The following NMT1 variants were observed in gnomAD, a reference collection of about 807,000 sequenced individuals.
The protein encoded by NMT1 is glycylpeptide N-tetradecanoyltransferase 1.
In NMT1, 12 loss-of-function variants were observed where a neutral mutation model predicts 63.4. The observed-to-expected ratio is 0.19, with a 90% CI of 0.12 to 0.31. NMT1 has a LOEUF of 0.31. NMT1 is among the 10% of genes least tolerant of loss of function. NMT1 has a pLI of 1.00. For missense variants in NMT1, 432 were observed against 634.6 expected (o/e 0.68, Z 3.43); for synonymous variants, 228 against 234.3 (o/e 0.97, Z 0.25).
At chr17:45,084,000 TCTTTC>T (rs1295531610) in intron 2 of NMT1, among the ~76,000 whole-genome samples, 2 of 152,222 alleles carry the variant, frequency 1.3e-5, no homozygotes, top group Non-Finnish European at 2.9e-5. Context: ...TTATATTCTT[TCTTTC>T]CTTTATAATC....
intron 1 of NMT1, among the ~76,000 whole-genome samples, chr17:45,068,376 A>G (rs1014629366): frequency 1.1e-4 from 16 of 152,112 alleles, no homozygotes; most frequent in Admixed American, 7.9e-4. Flanking sequence ...GGAGGCTGAG[A>G]CAAGAGAATC....
At position 45,103,907 on chromosome 17, in the gene NMT1, T is replaced by TGTGCA; in HGVS notation, c.1332+33_1332+37dup. The TGTGCA allele has an allele frequency of 6.2e-7, 1 of 1,611,382 alleles. No individual in the cohort carries two copies. Among genetic ancestry groups the TGTGCA allele is most frequent in the Non-Finnish European group, 8.5e-7 (1 of 1,179,940 alleles). On this transcript the variant is annotated intron_variant, in intron 10 of 11. Coordinates refer to ENST00000258960, the MANE Select transcript of NMT1 (RefSeq NM_021079.5). The surrounding 1 kb of genome is among the most constrained non-coding windows in gnomAD (Gnocchi z 4.8). ...GAGCAGACGGGGGGGTCTCTGGAGA[T>TGTGCA]GTGCAGGGAAGAGGCAGTGGAGCCA... is the stretch of plus-strand genomic sequence containing the variant.
chr17:45,067,155 T>A (rs1431532479), intron 1 of NMT1, among the ~76,000 whole-genome samples: 2 of 152,052 alleles, frequency 1.3e-5, no homozygotes, highest in African/African-American at 4.8e-5. Context: ...TTCATCTATA[T>A]GGTTTAATTT....
chr17:45,073,698 A>G (rs958877378), intron 1 of NMT1, among the ~76,000 whole-genome samples: 1 of 152,190 alleles, frequency 6.6e-6, no homozygotes, highest in Non-Finnish European at 1.5e-5. Flanking sequence ...TCTCAAATCA[A>G]TTCTTACAGG....
intron 1 of NMT1, among the ~76,000 whole-genome samples, chr17:45,078,108 G>A (rs2053989120): frequency 6.6e-6 from 1 of 152,188 alleles, no homozygotes; most frequent in African/African-American, 2.4e-5. Flanking sequence ...GGCACTGAGA[G>A]GCCCGGCCAG....
chr17:45,066,116 C>T (rs1474330574), intron 1 of NMT1, among the ~76,000 whole-genome samples: 1 of 152,026 alleles, frequency 6.6e-6, no homozygotes, highest in South Asian at 2.1e-4. Context: ...TGCTGTGGCG[C>T]GATCTTGGCT....
intron 1 of NMT1, among the ~76,000 whole-genome samples, chr17:45,065,654 A>G (rs944156810): frequency 6.7e-6 from 1 of 150,000 alleles, no homozygotes; most frequent in Admixed American, 6.7e-5. Context: ...AGAAATACCT[A>G]CAGAAACCAG....
At chr17:45,062,666 C>T (rs2053873031) in intron 1 of NMT1, among the ~76,000 whole-genome samples, 1 of 152,156 alleles carries the variant, frequency 6.6e-6, no homozygotes, top group African/African-American at 2.4e-5. Context: ...GCCTATTGCT[C>T]CTAGGCTACA....
intron 6 of NMT1, 23 bp downstream of exon 6, chr17:45,097,267 A>AC (rs1390595253): frequency 8.0e-6 from 12 of 1,491,996 alleles, no homozygotes; most frequent in African/African-American, 1.4e-5. Flanking sequence ...ACCTACCCCC[A>AC]CCCCCCACAA....
chr17:45,093,407 T>C (rs774580655), intron 3 of NMT1, among the ~76,000 whole-genome samples: 3 of 152,190 alleles, frequency 2.0e-5, no homozygotes, highest in Non-Finnish European at 4.4e-5. Context: ...TAAAGATAAA[T>C]GTTTGTCATT....
chr17:45,092,209 T>C (rs1172369088), intron 3 of NMT1, among the ~76,000 whole-genome samples: 5 of 152,086 alleles, frequency 3.3e-5, no homozygotes, highest in East Asian at 3.9e-4. Context: ...ATGGTATGTC[T>C]CATGAGGACA....
chr17:45,069,149 C>T (rs1207653551), intron 1 of NMT1, among the ~76,000 whole-genome samples: 10 of 151,184 alleles, frequency 6.6e-5, no homozygotes, highest in Non-Finnish European at 1.3e-4. Flanking sequence ...TTAGTAGAGA[C>T]GGGGTTTCAC....
chr17:45,106,704 T>C lies in NMT1; in HGVS notation c.*1065T>C, dbSNP rs1418077431. 4 of 152,728 alleles carry C rather than the reference T, an allele frequency of 2.6e-5. No homozygotes were observed. Among genetic ancestry groups the C allele is most frequent in the Admixed American group, 2.0e-4 (3 of 15,290 alleles). The allele number at this position is 152,728 out of a possible 1,614,324, so 9.5% of individuals were successfully genotyped here. A position where few individuals can be genotyped will look rare whatever the true frequency, so the allele number is the denominator to read the frequency against. On this transcript the variant is annotated 3_prime_UTR_variant, in exon 12 of 12. Transcript: ENST00000258960. The stretch of plus-strand genomic sequence containing the variant: ...CAGCCACCAGCCCCTGGCCTGTGCC[T>C]TCCAACCCATTAGCCATTTCTTGTT...
At chr17:45,100,264 T>A (rs1179237087) in intron 8 of NMT1, among the ~76,000 whole-genome samples, 1 of 152,088 alleles carries the variant, frequency 6.6e-6, no homozygotes, top group Non-Finnish European at 1.5e-5. Context: ...AATTTTTGTT[T>A]TTATAGAAAC....
intron 1 of NMT1, among the ~76,000 whole-genome samples, chr17:45,063,507 C>CTTTTTTTTT (rs1555604063): frequency 6.6e-6 from 1 of 151,310 alleles, no homozygotes. Context: ...TTTGTAGTTG[C>CTTTTTTTTT]TTTTATTTTT....
chr17:45,083,342 A>G (rs1385549364), intron 2 of NMT1, among the ~76,000 whole-genome samples: 1 of 152,072 alleles, frequency 6.6e-6, no homozygotes, highest in Non-Finnish European at 1.5e-5. Flanking sequence ...AATTAAAAAA[A>G]AATTTAAAAA....
Position 45,083,247 on chromosome 17 carries a change from C to T in NMT1, c.240+1495C>T, listed in dbSNP as rs545905914. On this transcript the variant is annotated intron_variant, in intron 2 of 11. Coordinates refer to ENST00000258960, the MANE Select transcript of NMT1 (RefSeq NM_021079.5). ...GACAGGAGAATCACTTGAACCCAGG[C>T]GGCAGAGGTTGCAGTGAGCCGAGAT... 2.1e-3 allele frequency among the ~76,000 whole-genome samples: 299 copies of T among 142,604 alleles called. 1 individual carries two copies. The highest frequency in any genetic ancestry group is 3.1e-3 in the Non-Finnish European group (201 of 65,528). 93.6% of individuals were successfully genotyped at this position (142,604 alleles called of 152,430 possible). A position where few individuals can be genotyped will look rare whatever the true frequency, so the allele number is the denominator to read the frequency against.
intron 3 of NMT1, among the ~76,000 whole-genome samples, chr17:45,088,116 C>T (rs2143494240): frequency 6.6e-6 from 1 of 152,314 alleles, no homozygotes; most frequent in Non-Finnish European, 1.5e-5. Context: ...GAGCAGAGCA[C>T]TGCCCAGGTG....
chr17:45,074,744 C>G (rs1209696117), intron 1 of NMT1, among the ~76,000 whole-genome samples: 1 of 152,170 alleles, frequency 6.6e-6, no homozygotes, highest in Non-Finnish European at 1.5e-5. Context: ...ATTTTGGAAC[C>G]AAGTGAAACA....
Sources: allele counts gnomAD v4.1 joint callset (sites outside exome capture counted in the v4.1 genomes callset), GRCh38; gene constraint gnomAD v4.1.1; non-coding constraint Gnocchi (gnomAD v3.1); transcripts MANE v1.5; gene names NCBI Gene and HGNC (gene_info 2026-07-23, HGNC 2026-07-21).